Variants in CDK14 observed in about 807,000 individuals in gnomAD.
CDK14 encodes cyclin-dependent kinase 14.
In CDK14, 34 loss-of-function variants were observed where a neutral mutation model predicts 60.7. That is an observed-to-expected ratio of 0.56 (90% CI 0.43 to 0.75). The LOEUF is 0.75. Ranked by LOEUF, CDK14 falls within the 30% of genes least tolerant of loss-of-function variation. CDK14 has a pLI of 0.00. For synonymous variants in CDK14, 197 were observed against 203.7 expected (o/e 0.97, Z 0.28); for missense variants, 482 against 564.1 (o/e 0.85, Z 1.47).
intron 14 of CDK14, among the ~76,000 whole-genome samples, chr7:91,168,354 C>T (rs2115784730): frequency 6.6e-6 from 1 of 151,742 alleles, no homozygotes; most frequent in African/African-American, 2.4e-5. Flanking sequence ...CAGGGCCTGG[C>T]ACATAGGAAA....
intron 14 of CDK14, among the ~76,000 whole-genome samples, chr7:91,147,996 A>C (rs973473682): frequency 3.9e-5 from 6 of 152,236 alleles, no homozygotes; most frequent in African/African-American, 1.4e-4. Context: ...ACACATATGC[A>C]TATATAATCA....
In CDK14 at chr7:90,617,939, T is replaced by C. The variant is rs528728270; in HGVS notation, c.123+13690T>C. Among the ~76,000 whole-genome samples the C allele has an allele frequency of 3.3e-5, 5 of 152,356 alleles. No homozygotes were observed. The South Asian group carries it at 8.3e-4, about 25-fold the overall frequency. On this transcript the variant is annotated intron_variant, in intron 2 of 14. Coordinates refer to ENST00000380050, the MANE Select transcript of CDK14 (RefSeq NM_001287135.2). ...GAGCTGGAAGGCATGATGAGAAAAC[T>C]GCTGTGTTTTAACTAGCATGTTCTG...
At chr7:91,181,650 G>T (rs1021529301) in intron 14 of CDK14, among the ~76,000 whole-genome samples, 1 of 152,126 alleles carries the variant, frequency 6.6e-6, no homozygotes, top group Non-Finnish European at 1.5e-5. Context: ...TGAAGGCTTG[G>T]TTCTTTCTCT....
At position 90,955,735 on chromosome 7, in the gene CDK14, T is replaced by C; in HGVS notation, c.865T>C (p.Ser289Pro). ...RAKSVPSHTYSNEVVTLWYRP... is the reference protein window; with the variant it reads ...RAKSVPSHTYPNEVVTLWYRP... ...AAAATCCGTCCCTAGCCACACATAC[T>C]CCAACGAAGTGGTTACCTTGTGGTA... The change falls in exon 9 of 15, where the codon TCC becomes CCC. Residue 289 changes from serine (S) to proline (P), a missense_variant. Coordinates refer to ENST00000380050, the MANE Select transcript of CDK14 (RefSeq NM_001287135.2). The C allele has an allele frequency of 6.2e-7, 1 of 1,613,454 alleles. No individual in the cohort carries two copies. Among genetic ancestry groups the C allele is most frequent in the South Asian group, 1.1e-5 (1 of 91,074 alleles).
chr7:91,106,589 G>C (rs533444374), intron 12 of CDK14, among the ~76,000 whole-genome samples: 1 of 152,084 alleles, frequency 6.6e-6, no homozygotes, highest in South Asian at 2.1e-4. Context: ...TAAAATATTA[G>C]ACAATAATAT....
At chr7:91,024,141 GATGATGATGATA>G (rs1456271208) in intron 10 of CDK14, among the ~76,000 whole-genome samples, 2 of 151,082 alleles carry the variant, frequency 1.3e-5, no homozygotes, top group East Asian at 1.9e-4. Context: ...TGATGATGAT[GATGATGATGATA>G]ATGATGTCAG....
intron 14 of CDK14, among the ~76,000 whole-genome samples, chr7:91,191,622 G>A (rs1802365636): frequency 6.6e-6 from 1 of 151,776 alleles, no homozygotes; most frequent in African/African-American, 2.4e-5. Context: ...TTCAGATGGG[G>A]GGGTGGGATG....
chr7:90,732,851 C>T (rs1401977382), intron 3 of CDK14, among the ~76,000 whole-genome samples: 2 of 152,084 alleles, frequency 1.3e-5, no homozygotes, highest in Non-Finnish European at 2.9e-5. Flanking sequence ...CAGTTCTGCT[C>T]TCATCTTAGT....
chr7:91,200,873 C>T (rs779353872), intron 14 of CDK14, among the ~76,000 whole-genome samples: 28 of 152,282 alleles, frequency 1.8e-4, no homozygotes, highest in Non-Finnish European at 3.7e-4. Context: ...AATAATTCAT[C>T]CAACATGTGA....
At chr7:91,152,622 G>C (rs1800856449) in intron 14 of CDK14, among the ~76,000 whole-genome samples, 1 of 152,120 alleles carries the variant, frequency 6.6e-6, no homozygotes, top group Admixed American at 6.5e-5. Context: ...TATGTGCTAT[G>C]TGCTGGGGCT....
chr7:90,929,390 A>G (rs1178020548), intron 8 of CDK14, among the ~76,000 whole-genome samples: 1 of 152,194 alleles, frequency 6.6e-6, no homozygotes, highest in Admixed American at 6.5e-5. Context: ...ATTGTCTTGC[A>G]TATTTCATGG....
chr7:90,864,451 T>A (rs1791109505), intron 6 of CDK14, among the ~76,000 whole-genome samples: 1 of 152,090 alleles, frequency 6.6e-6, no homozygotes, highest in Admixed American at 6.6e-5. Flanking sequence ...TTTAAGTATG[T>A]CTAGTTTACA....
At chr7:90,879,566 G>T (rs562451101) in intron 6 of CDK14, among the ~76,000 whole-genome samples, 1 of 152,128 alleles carries the variant, frequency 6.6e-6, no homozygotes, top group East Asian at 1.9e-4. Flanking sequence ...CATCAAAATT[G>T]ATGTGAAGGT....
chr7:91,053,929 C>CT (rs1353034961), intron 11 of CDK14, among the ~76,000 whole-genome samples: 5 of 152,032 alleles, frequency 3.3e-5, no homozygotes, highest in Admixed American at 2.0e-4. Context: ...TCCATCCAGC[C>CT]TACAGACTTG....
chr7:90,606,288 A>AC lies in CDK14; in HGVS notation c.123+2042dup, dbSNP rs367592095. The stretch of plus-strand genomic sequence containing the variant: ...CCGGGGTATAATCCCCAATTCAACT[A>AC]CCCTCTGTTTGGGCATTTGACTTAT... On this transcript the variant is annotated intron_variant, in intron 2 of 14. Coordinates refer to ENST00000380050, the MANE Select transcript of CDK14 (RefSeq NM_001287135.2). 9.4e-4 allele frequency among the ~76,000 whole-genome samples: 143 copies of AC among 152,192 alleles called. 1 individual carries two copies. Among genetic ancestry groups the AC allele is most frequent in the African/African-American group, 3.2e-3 (132 of 41,516 alleles).
intron 5 of CDK14, among the ~76,000 whole-genome samples, chr7:90,859,035 T>G (rs915217035): frequency 6.6e-6 from 1 of 152,214 alleles, no homozygotes; most frequent in African/African-American, 2.4e-5. Flanking sequence ...CCTGTAGATA[T>G]TTTTACAATA....
intron 5 of CDK14, among the ~76,000 whole-genome samples, chr7:90,810,326 CA>C (rs1338127868): frequency 7.9e-5 from 12 of 151,962 alleles, no homozygotes; most frequent in Non-Finnish European, 5.9e-5. Flanking sequence ...ATATGCAAAT[CA>C]AAAAAACGTA....
chr7:90,859,600 A>T (rs1361649644), intron 5 of CDK14, among the ~76,000 whole-genome samples: 1 of 152,212 alleles, frequency 6.6e-6, no homozygotes, highest in African/African-American at 2.4e-5. Flanking sequence ...GGTTCATAGC[A>T]AAGTTCATTG....
chr7:91,027,214 A>C (rs767380456), intron 10 of CDK14, among the ~76,000 whole-genome samples: 52 of 152,260 alleles, frequency 3.4e-4, no homozygotes, highest in Non-Finnish European at 6.8e-4. Flanking sequence ...TATAACATGT[A>C]GTTAACCAGG....
Sources: gnomAD v4.1 joint callset for allele counts (sites outside exome capture counted in the v4.1 genomes callset) on GRCh38, gnomAD v4.1.1 for gene constraint, MANE v1.5 for transcripts, NCBI Gene and HGNC (gene_info 2026-07-23, HGNC 2026-07-21) for gene names.